Variants in GRIA1 observed in about 807,000 individuals in gnomAD.
GRIA1 encodes the protein glutamate receptor 1.
In GRIA1, 31 loss-of-function variants were observed where a neutral mutation model predicts 99.2. The observed-to-expected ratio is 0.31, with a 90% CI of 0.23 to 0.42. The LOEUF (loss-of-function observed/expected upper bound fraction) is 0.42, where lower values mean the gene tolerates loss of function less well. Ranked by LOEUF, GRIA1 falls within the 10% of genes least tolerant of loss-of-function variation. The pLI is 1.00. For missense variants in GRIA1, 782 were observed against 1,157.5 expected, an observed-to-expected ratio of 0.68 and a Z score of 4.71; for synonymous variants, 438 against 432.4, an observed-to-expected ratio of 1.01 and a Z score of -0.16.
intron 2 of GRIA1, among the ~76,000 whole-genome samples, chr5:153,555,493 A>C (rs930569907): frequency 6.6e-6 from 1 of 152,196 alleles, no homozygotes; most frequent in Admixed American, 6.5e-5. Context: ...CTCCTGCTGC[A>C]CTGGAGGAAT....
At chr5:153,734,513 C>T (rs1034639096) in intron 11 of GRIA1, among the ~76,000 whole-genome samples, 3 of 152,124 alleles carry the variant, frequency 2.0e-5, no homozygotes, top group Non-Finnish European at 2.9e-5. Context: ...TATCAGTTCA[C>T]CATATAGTTA....
chr5:153,556,584 T>A (rs891142542), intron 2 of GRIA1, among the ~76,000 whole-genome samples: 6 of 152,212 alleles, frequency 3.9e-5, no homozygotes, highest in Non-Finnish European at 8.8e-5. Flanking sequence ...ACATTACTAG[T>A]AAGAAATGTG....
intron 2 of GRIA1, among the ~76,000 whole-genome samples, chr5:153,555,264 G>C (rs1760522910): frequency 6.6e-6 from 1 of 151,216 alleles, no homozygotes; most frequent in South Asian, 2.1e-4. Flanking sequence ...ACACTCTGCT[G>C]TCCCATACTA....
chr5:153,800,862 G>A (rs1057514109), intron 14 of GRIA1, among the ~76,000 whole-genome samples: 12 of 152,122 alleles, frequency 7.9e-5, no homozygotes, highest in Admixed American at 6.6e-5. Context: ...AGGGCAATAC[G>A]GTCCACCCCT....
At chr5:153,800,493 T>C (rs72804632) in intron 14 of GRIA1, among the ~76,000 whole-genome samples, 1 of 152,240 alleles carries the variant, frequency 6.6e-6, no homozygotes, top group African/African-American at 2.4e-5. Context: ...CAGGCCATTA[T>C]AGAAGAGCAG....
chr5:153,526,934 G>T (rs1256269026), intron 2 of GRIA1, among the ~76,000 whole-genome samples: 3 of 152,228 alleles, frequency 2.0e-5, no homozygotes, highest in Admixed American at 6.5e-5. Flanking sequence ...CCACAGGGTT[G>T]TTTGTGTGAC....
chr5:153,702,429 T>C (rs1410874051), intron 10 of GRIA1, among the ~76,000 whole-genome samples: 1 of 152,268 alleles, frequency 6.6e-6, no homozygotes, highest in Non-Finnish European at 1.5e-5. Context: ...GTGAATTCTT[T>C]ACCACAGGCT....
At chr5:153,713,388 T>A (rs184917907) in intron 11 of GRIA1, among the ~76,000 whole-genome samples, 14 of 152,234 alleles carry the variant, frequency 9.2e-5, no homozygotes, top group Admixed American at 9.2e-4. Context: ...AGGTGTGAAG[T>A]GTGCATGGAC....
intron 13 of GRIA1, among the ~76,000 whole-genome samples, chr5:153,771,808 C>T (rs1257171419): frequency 6.8e-6 from 1 of 147,936 alleles, no homozygotes; most frequent in African/African-American, 2.5e-5. Flanking sequence ...CTAAGCAAGG[C>T]AAAGTTATAA....
At chr5:153,663,180 T>C (rs150417543) in intron 5 of GRIA1, among the ~76,000 whole-genome samples, 8 of 152,296 alleles carry the variant, frequency 5.3e-5, no homozygotes, top group Admixed American at 3.9e-4. Context: ...CCTCTGAGAT[T>C]TTCTGCCTCC....
chr5:153,674,407 G>A (rs745571171), intron 5 of GRIA1, 93 bp from the exon 6 acceptor site: 11 of 1,372,334 alleles, frequency 8.0e-6, no homozygotes, highest in Non-Finnish European at 1.1e-5. Flanking sequence ...TTCATCTGGT[G>A]GAACTGAATG....
intron 2 of GRIA1, among the ~76,000 whole-genome samples, chr5:153,611,764 C>T (rs911803097): frequency 2.0e-5 from 3 of 152,172 alleles, no homozygotes; most frequent in Non-Finnish European, 4.4e-5. Context: ...AAGATCTGGA[C>T]CTGCTTTTCA....
chr5:153,622,982 G>T, intron 2 of GRIA1, among the ~76,000 whole-genome samples: 1 of 152,320 alleles, frequency 6.6e-6, no homozygotes, highest in East Asian at 1.9e-4. Context: ...TGTAGAGTGA[G>T]AGGAGTTGAT....
intron 2 of GRIA1, among the ~76,000 whole-genome samples, chr5:153,580,948 T>G (rs1378632885): frequency 7.9e-5 from 12 of 152,136 alleles, no homozygotes; most frequent in Non-Finnish European, 8.8e-5. Flanking sequence ...GGGGTATGAG[T>G]TTGGAAAGAC....
At chr5:153,802,694 A>C (rs1766134587) in intron 15 of GRIA1, among the ~76,000 whole-genome samples, 1 of 152,180 alleles carries the variant, frequency 6.6e-6, no homozygotes, top group Admixed American at 6.5e-5. Flanking sequence ...CAGGCCAGAC[A>C]CAAGGCCCAA....
chr5:153,599,712 T>C (rs899124648), intron 2 of GRIA1, among the ~76,000 whole-genome samples: 12 of 152,050 alleles, frequency 7.9e-5, no homozygotes, highest in African/African-American at 2.2e-4. Context: ...CTCAAATTAT[T>C]TGAGAGTGGT....
At chr5:153,686,024 A>G (rs1184151490) in intron 7 of GRIA1, among the ~76,000 whole-genome samples, 2 of 152,208 alleles carry the variant, frequency 1.3e-5, no homozygotes, top group African/African-American at 4.8e-5. Context: ...AATTGTCAGG[A>G]TGAATCCCAA....
At chr5:153,786,079 T>G (rs569383269) in intron 13 of GRIA1, among the ~76,000 whole-genome samples, 1 of 152,242 alleles carries the variant, frequency 6.6e-6, no homozygotes, top group Non-Finnish European at 1.5e-5. Context: ...TAAGCCGTTA[T>G]ATTTTTCAGT....
chr5:153,744,838 T>TAACA (rs1371897583), intron 11 of GRIA1, among the ~76,000 whole-genome samples: 2 of 152,208 alleles, frequency 1.3e-5, no homozygotes, highest in East Asian at 1.9e-4. Context: ...AGTGTAGTGC[T>TAACA]AACAATGAAT....
Sources: gnomAD v4.1 joint callset for allele counts (sites outside exome capture counted in the v4.1 genomes callset) on GRCh38, gnomAD v4.1.1 for gene constraint, MANE v1.5 for transcripts, NCBI Gene and HGNC (gene_info 2026-07-23, HGNC 2026-07-21) for gene names.